Variants in RCL1 observed in about 807,000 individuals in gnomAD.
RCL1 encodes the protein RNA 3'-terminal phosphate cyclase-like protein.
Under a neutral mutation model 42.4 loss-of-function variants are expected in RCL1, and 24 were observed. The observed-to-expected ratio is 0.57, with a 90% CI of 0.41 to 0.80. RCL1 has a LOEUF of 0.80. Among genes scored for constraint, RCL1 ranks in the 30% least tolerant of loss-of-function variants. The probability of loss-of-function intolerance (pLI) is 0.00; values close to 1 mark genes in which losing one functional copy is unlikely to be tolerated. For synonymous variants in RCL1, 228 were observed against 177.3 expected, an observed-to-expected ratio of 1.29 and a Z score of -2.27; for missense variants, 578 against 467.9, an observed-to-expected ratio of 1.24 and a Z score of -2.17.
intron 1 of RCL1, among the ~76,000 whole-genome samples, chr9:4,813,499 C>T (rs1816255505): frequency 6.6e-6 from 1 of 152,178 alleles, no homozygotes; most frequent in Non-Finnish European, 1.5e-5. Flanking sequence ...TACCATCTCA[C>T]ACCAGTTAGA....
chr9:4,836,217 G>C (rs576730668), intron 5 of RCL1, among the ~76,000 whole-genome samples: 1 of 152,226 alleles, frequency 6.6e-6, no homozygotes, highest in Non-Finnish European at 1.5e-5. Context: ...GCAGTTGGCA[G>C]CCTAGAGGGA....
chr9:4,821,513 C>T (rs549034289), intron 1 of RCL1, among the ~76,000 whole-genome samples: 2 of 152,300 alleles, frequency 1.3e-5, no homozygotes, highest in African/African-American at 4.8e-5. Context: ...AAATTTATCA[C>T]AGTTCTGGAA....
At chr9:4,848,519 A>T (rs2129700614) in intron 7 of RCL1, among the ~76,000 whole-genome samples, 1 of 152,362 alleles carries the variant, frequency 6.6e-6, no homozygotes, top group African/African-American at 2.4e-5. Flanking sequence ...CTAGCCTTGG[A>T]TAGTAACGTG....
intron 1 of RCL1, among the ~76,000 whole-genome samples, chr9:4,813,313 C>T (rs1816246780): frequency 6.6e-6 from 1 of 152,128 alleles, no homozygotes; most frequent in Non-Finnish European, 1.5e-5. Flanking sequence ...TATCCAGAAT[C>T]TACAAAGAAC....
At chr9:4,810,295 G>A (rs1473233556) in intron 1 of RCL1, among the ~76,000 whole-genome samples, 1 of 152,148 alleles carries the variant, frequency 6.6e-6, no homozygotes, top group Non-Finnish European at 1.5e-5. Flanking sequence ...CCCATGAAAA[G>A]AAACAGTATG....
chr9:4,796,624 T>G (rs10815082), intron 1 of RCL1, among the ~76,000 whole-genome samples: 23,892 of 152,184 alleles, frequency 0.16, 2,151 homozygotes, highest in South Asian at 0.34. Context: ...GGTCTTGAAC[T>G]CCTGGACTCA....
intron 5 of RCL1, among the ~76,000 whole-genome samples, chr9:4,834,782 A>C (rs1341348731): frequency 1.3e-5 from 2 of 152,206 alleles, no homozygotes; most frequent in Non-Finnish European, 2.9e-5. Flanking sequence ...CATCTACTTC[A>C]GTAGTCACTT....
At chr9:4,843,241 C>A (rs905386485) in intron 6 of RCL1, among the ~76,000 whole-genome samples, 14 of 152,020 alleles carry the variant, frequency 9.2e-5, no homozygotes, top group Non-Finnish European at 4.4e-5. Flanking sequence ...GTAAGTCAGG[C>A]TTGTTCAGAT....
intron 8 of RCL1, among the ~76,000 whole-genome samples, chr9:4,856,295 C>T (rs1360791291): frequency 2.6e-5 from 4 of 152,218 alleles, no homozygotes; most frequent in Non-Finnish European, 5.9e-5. Context: ...GGAAAGCCAG[C>T]AGGGAAAGCT....
chr9:4,851,953 C>T (rs1350383348), intron 8 of RCL1, among the ~76,000 whole-genome samples: 14 of 144,108 alleles, frequency 9.7e-5, no homozygotes, highest in African/African-American at 2.8e-4. Flanking sequence ...CAATCTCCGC[C>T]CACTGCAAGC....
chr9:4,821,692 C>T (rs900776050), intron 1 of RCL1, among the ~76,000 whole-genome samples: 3 of 151,996 alleles, frequency 2.0e-5, no homozygotes, highest in African/African-American at 7.3e-5. Flanking sequence ...GTTGTCCAGT[C>T]TGGCCTTCAA....
intron 1 of RCL1, among the ~76,000 whole-genome samples, chr9:4,807,875 C>T (rs139281980): frequency 6.6e-4 from 101 of 152,146 alleles, no homozygotes; most frequent in Admixed American, 2.1e-3. Context: ...ATATTTTCTG[C>T]TATTGATTTT....
rs1409138235 is a variant in RCL1 at position 4,821,074 on chromosome 9, G to T, written c.137-2474G>T. On this transcript the variant is annotated intron_variant, in intron 1 of 8. Transcript: ENST00000381750. ...CATGATTTTCTAGAGGAAGAGGTTAGCTCCAAGGAATTAAACTGAACAGAG... is the reference window on the plus strand; with the variant it reads ...CATGATTTTCTAGAGGAAGAGGTTATCTCCAAGGAATTAAACTGAACAGAG... 3.9e-5 allele frequency among the ~76,000 whole-genome samples: 6 copies of T among 152,294 alleles called. No individual in the cohort carries two copies. In the East Asian group the frequency reaches 1.2e-3, roughly 29 times the overall value.
intron 3 of RCL1, among the ~76,000 whole-genome samples, chr9:4,830,458 C>G (rs1387905453): frequency 6.6e-6 from 1 of 152,122 alleles, no homozygotes; most frequent in Non-Finnish European, 1.5e-5. Flanking sequence ...AGGAAGAAGA[C>G]ATTTTTTCCT....
At chr9:4,851,950 C>G (rs191502872) in intron 8 of RCL1, among the ~76,000 whole-genome samples, 2 of 147,514 alleles carry the variant, frequency 1.4e-5, no homozygotes. Flanking sequence ...GCGCAATCTC[C>G]GCCCACTGCA....
chr9:4,806,147 A>G (rs1368387042), intron 1 of RCL1, among the ~76,000 whole-genome samples: 1 of 150,622 alleles, frequency 6.6e-6, no homozygotes, highest in East Asian at 1.9e-4. Context: ...TTTCCTTGGA[A>G]TTTATTTTCT....
At chr9:4,850,500 T>C (rs1408434782) in intron 8 of RCL1, 11 of 231,498 alleles carry the variant, frequency 4.8e-5, no homozygotes, top group Admixed American at 2.2e-4. Context: ...TTTCTTTTTT[T>C]TTTTTTTTTT....
chr9:4,843,001 G>A (rs1300689466), intron 6 of RCL1, among the ~76,000 whole-genome samples: 2 of 152,158 alleles, frequency 1.3e-5, no homozygotes, highest in Admixed American at 6.5e-5. Context: ...TACTAATGGT[G>A]AGTAGAAGCC....
chr9:4,824,371 A>G (rs1247815925), intron 2 of RCL1, among the ~76,000 whole-genome samples: 1 of 132,834 alleles, frequency 7.5e-6, no homozygotes, highest in East Asian at 2.1e-4. Flanking sequence ...TTCTTCAGCC[A>G]GCATTTTTTT....
Sources: allele counts gnomAD v4.1 joint callset (sites outside exome capture counted in the v4.1 genomes callset), GRCh38; gene constraint gnomAD v4.1.1; transcripts MANE v1.5; gene names NCBI Gene and HGNC (gene_info 2026-07-23, HGNC 2026-07-21).